The following CPQ variants were observed in gnomAD, a reference collection of about 807,000 sequenced individuals.
The protein encoded by CPQ is Ser-Met dipeptidase.
CPQ carries 37 observed loss-of-function variants against 45.7 expected under a neutral mutation model. That is an observed-to-expected ratio of 0.81 (90% CI 0.62 to 1.07). The LOEUF (loss-of-function observed/expected upper bound fraction) is 1.07, where lower values mean the gene tolerates loss of function less well. Ranked by LOEUF, CPQ falls within the 50% of genes least tolerant of loss-of-function variation. The pLI is 0.00. For missense variants in CPQ, 537 were observed against 572.9 expected (o/e 0.94, Z 0.64); for synonymous variants, 186 against 205.8 (o/e 0.90, Z 0.82).
intron 6 of CPQ, among the ~76,000 whole-genome samples, chr8:97,049,112 A>G (rs1413813874): frequency 3.3e-5 from 5 of 152,242 alleles, no homozygotes; most frequent in Non-Finnish European, 7.3e-5. Flanking sequence ...TGGAAGTGAC[A>G]TGAGTGAAGT....
chr8:96,702,415 A>G (rs112391636), intron 1 of CPQ, among the ~76,000 whole-genome samples: 2 of 152,194 alleles, frequency 1.3e-5, no homozygotes, highest in Non-Finnish European at 2.9e-5. Context: ...TAAGAGAGAG[A>G]AAGGTGAACG....
At chr8:96,964,620 A>G (rs1183169529) in intron 4 of CPQ, among the ~76,000 whole-genome samples, 1 of 152,156 alleles carries the variant, frequency 6.6e-6, no homozygotes, top group East Asian at 1.9e-4. Flanking sequence ...TAGTTTAAAA[A>G]AAAACACTCT....
intron 7 of CPQ, among the ~76,000 whole-genome samples, chr8:97,084,506 C>A (rs1318103702): frequency 1.3e-5 from 2 of 152,108 alleles, no homozygotes; most frequent in African/African-American, 4.8e-5. Context: ...TTCATCAAAT[C>A]TTCATTTTTC....
intron 1 of CPQ, among the ~76,000 whole-genome samples, chr8:96,675,106 A>G (rs1040695553): frequency 2.0e-5 from 3 of 152,046 alleles, no homozygotes; most frequent in African/African-American, 7.2e-5. Context: ...AAGGCTTTAC[A>G]AATTTTTAGT....
intron 7 of CPQ, among the ~76,000 whole-genome samples, chr8:97,073,037 A>C (rs2513403): frequency 0.77 from 117,602 of 152,122 alleles, 45,573 homozygotes; most frequent in African/African-American, 0.79. Flanking sequence ...GTTATGATTA[A>C]TTTAGTAACG....
At chr8:97,119,650 C>A (rs1188384739) in intron 7 of CPQ, among the ~76,000 whole-genome samples, 1 of 152,088 alleles carries the variant, frequency 6.6e-6, no homozygotes, top group Non-Finnish European at 1.5e-5. Flanking sequence ...GAAATTAGTT[C>A]CCTCATGTAC....
chr8:96,988,752 A>G (rs137886968), intron 5 of CPQ, among the ~76,000 whole-genome samples: 12 of 152,346 alleles, frequency 7.9e-5, no homozygotes, highest in Admixed American at 3.3e-4. Flanking sequence ...GGAGGTAAAG[A>G]AGATCAAACA....
intron 1 of CPQ, among the ~76,000 whole-genome samples, chr8:96,710,384 C>G (rs184849105): frequency 1.3e-5 from 2 of 152,042 alleles, no homozygotes; most frequent in African/African-American, 4.8e-5. Flanking sequence ...TTTTCTTCTG[C>G]TAGCTTTGGG....
intron 1 of CPQ, among the ~76,000 whole-genome samples, chr8:96,773,045 C>A (rs569221903): frequency 1.3e-5 from 2 of 152,220 alleles, no homozygotes; most frequent in Non-Finnish European, 2.9e-5. Flanking sequence ...ACAGCCAGGA[C>A]CAGGTCCCAG....
chr8:97,057,047 C>A (rs1307238764), intron 6 of CPQ, among the ~76,000 whole-genome samples: 1 of 152,030 alleles, frequency 6.6e-6, no homozygotes. Context: ...TATATAGATA[C>A]CCTCATATGT....
At chr8:96,860,518 C>A (rs1811912769) in intron 3 of CPQ, among the ~76,000 whole-genome samples, 1 of 152,112 alleles carries the variant, frequency 6.6e-6, no homozygotes, top group Non-Finnish European at 1.5e-5. Context: ...GTAACAGTTT[C>A]TTTCCTTGGC....
intron 4 of CPQ, among the ~76,000 whole-genome samples, chr8:96,923,060 A>G (rs533548984): frequency 4.3e-4 from 66 of 152,306 alleles, no homozygotes; most frequent in African/African-American, 1.6e-3. Flanking sequence ...GTCCAGTTCC[A>G]TATGTTCCAT....
intron 1 of CPQ, among the ~76,000 whole-genome samples, chr8:96,738,039 C>T (rs1372824106): frequency 1.3e-5 from 2 of 151,946 alleles, no homozygotes; most frequent in East Asian, 1.9e-4. Flanking sequence ...TTTGATAGTT[C>T]GTTTTGCTGC....
intron 1 of CPQ, among the ~76,000 whole-genome samples, chr8:96,649,436 A>G (rs568766436): frequency 1.3e-5 from 2 of 152,362 alleles, no homozygotes; most frequent in Admixed American, 6.5e-5. Context: ...CTAATGAAAT[A>G]GGATAAGGAT....
chr8:97,065,942 T>C, intron 6 of CPQ, 67 bp from the exon 7 acceptor site: 1 of 1,485,760 alleles, frequency 6.7e-7, no homozygotes, highest in Non-Finnish European at 9.3e-7. Flanking sequence ...AATTGTTGTT[T>C]GATAGTTCCC....
chr8:96,705,058 G>A (rs1809515173), intron 1 of CPQ, among the ~76,000 whole-genome samples: 1 of 152,074 alleles, frequency 6.6e-6, no homozygotes, highest in African/African-American at 2.4e-5. Context: ...TAATCTTTGA[G>A]GAACTTCCTC....
In CPQ at chr8:97,143,323, T is replaced by C; in HGVS notation, c.*140T>C. The C allele has an allele frequency of 5.2e-6, 4 of 771,698 alleles. No individual in the cohort carries two copies. The highest frequency in any genetic ancestry group is 8.1e-6 in the Non-Finnish European group (4 of 496,500). The allele number at this position is 771,698 out of a possible 1,614,324, so 47.8% of individuals were successfully genotyped here. On this transcript the variant is annotated 3_prime_UTR_variant, in exon 8 of 8. Transcript: ENST00000220763. The stretch of plus-strand genomic sequence containing the variant: ...TATTTCATGCTTTCTGTTATTATCT[T>C]TCTTGATACTTTCCAAATTCTCTGA...
chr8:97,036,420 CT>C (rs1810007939), intron 6 of CPQ, among the ~76,000 whole-genome samples: 1 of 152,154 alleles, frequency 6.6e-6, no homozygotes, highest in Non-Finnish European at 1.5e-5. Flanking sequence ...TAAAAGGAAA[CT>C]TTACCACATA....
chr8:97,050,906 C>T (rs527495377), intron 6 of CPQ, among the ~76,000 whole-genome samples: 4 of 152,216 alleles, frequency 2.6e-5, no homozygotes, highest in Admixed American at 1.3e-4. Context: ...AACAGAATAG[C>T]TTGGTATATT....
Sources: gnomAD v4.1 joint callset for allele counts (sites outside exome capture counted in the v4.1 genomes callset) on GRCh38, gnomAD v4.1.1 for gene constraint, MANE v1.5 for transcripts, NCBI Gene and HGNC (gene_info 2026-07-23, HGNC 2026-07-21) for gene names.